The following TRHDE variants were observed in gnomAD, a reference collection of about 807,000 sequenced individuals.
The protein encoded by TRHDE is thyrotropin releasing hormone degrading enzyme.
Under a neutral mutation model 125.7 loss-of-function variants are expected in TRHDE, and 72 were observed. The ratio of observed to expected loss-of-function variants is 0.57; its 90% CI spans 0.47 to 0.70. TRHDE has a LOEUF of 0.70. TRHDE is among the 30% of genes least tolerant of loss of function. The pLI is 0.00. For missense variants in TRHDE, 1,110 were observed against 1,327.1 expected (o/e 0.84, Z 2.54); for synonymous variants, 509 against 509.1 (o/e 1.00, Z 0.00).
intron 2 of TRHDE, among the ~76,000 whole-genome samples, chr12:72,133,444 AAG>A (rs2139309353): frequency 6.6e-6 from 1 of 152,210 alleles, no homozygotes; most frequent in South Asian, 2.1e-4. Flanking sequence ...GCAGGTTTGG[AAG>A]AGAGGGAGGA....
intron 3 of TRHDE, among the ~76,000 whole-genome samples, chr12:72,462,337 A>C (rs1876162620): frequency 6.6e-6 from 1 of 152,204 alleles, no homozygotes; most frequent in African/African-American, 2.4e-5. Context: ...AAGGGAATGC[A>C]TCTGAGTGAT....
At chr12:72,264,706 CA>C (rs893153214) in intron 2 of TRHDE, 1 of 151,654 alleles carries the variant, frequency 6.6e-6, no homozygotes, top group Non-Finnish European at 1.5e-5. Context: ...AGTTAAAAAC[CA>C]AAAAACCCTC....
chr12:72,091,768 A>C (rs1369435969), intron 1 of TRHDE, among the ~76,000 whole-genome samples: 1 of 152,226 alleles, frequency 6.6e-6, no homozygotes, highest in Non-Finnish European at 1.5e-5. Context: ...GTCACGACCC[A>C]GGCACAAGTG....
intron 2 of TRHDE, among the ~76,000 whole-genome samples, chr12:72,146,084 T>C (rs1592457649): frequency 6.6e-6 from 1 of 152,226 alleles, no homozygotes; most frequent in South Asian, 2.1e-4. Flanking sequence ...TTAAAAGATC[T>C]AAAATAAGGA....
chr12:72,528,339 T>C (rs536289335), intron 6 of TRHDE, among the ~76,000 whole-genome samples: 1 of 152,298 alleles, frequency 6.6e-6, no homozygotes, highest in Admixed American at 6.5e-5. Flanking sequence ...TGTGATAGTT[T>C]AACTCTGACA....
intron 6 of TRHDE, among the ~76,000 whole-genome samples, chr12:72,508,841 A>G (rs543062965): frequency 2.1e-4 from 32 of 152,152 alleles, no homozygotes; most frequent in South Asian, 6.2e-4. Flanking sequence ...CATGATAGTG[A>G]ATGAGTTCTC....
At chr12:72,401,916 G>A (rs1873059270) in intron 3 of TRHDE, among the ~76,000 whole-genome samples, 1 of 152,048 alleles carries the variant, frequency 6.6e-6, no homozygotes, top group Non-Finnish European at 1.5e-5. Flanking sequence ...TTTGGTAGTG[G>A]GTTTGAAGCT....
At chr12:72,477,001 A>T (rs762548044) in intron 5 of TRHDE, among the ~76,000 whole-genome samples, 1 of 152,188 alleles carries the variant, frequency 6.6e-6, no homozygotes, top group Non-Finnish European at 1.5e-5. Context: ...TTTTACAGGA[A>T]GTATGATACA....
chr12:72,459,171 A>G (rs377245692), intron 3 of TRHDE, among the ~76,000 whole-genome samples: 6 of 152,130 alleles, frequency 3.9e-5, no homozygotes, highest in Non-Finnish European at 7.4e-5. Context: ...CATTTCCTCA[A>G]TCTGACACTG....
rs140214725 is a variant in TRHDE at position 72,571,536 on chromosome 12, A to T, written c.2131+2880A>T. 2.0e-3 allele frequency among the ~76,000 whole-genome samples: 312 copies of T among 152,298 alleles called. 1 individual carries two copies. The highest frequency in any genetic ancestry group is 3.9e-3 in the Admixed American group (59 of 15,284). The stretch of plus-strand genomic sequence containing the variant: ...AAAGCATAGATCATTTTAGCCTAAA[A>T]ATAATTTTTAAACCAATTTTTCAGT... On this transcript the variant is annotated intron_variant, in intron 10 of 18. Transcript: ENST00000261180.
chr12:72,340,823 G>C (rs1470287268), intron 2 of TRHDE, among the ~76,000 whole-genome samples: 1 of 152,094 alleles, frequency 6.6e-6, no homozygotes, highest in East Asian at 1.9e-4. Context: ...TGGTAAAATT[G>C]TAAGCTTTAT....
chr12:72,253,021 C>T (rs1373206592), intron 2 of TRHDE, among the ~76,000 whole-genome samples: 1 of 152,064 alleles, frequency 6.6e-6, no homozygotes, highest in Non-Finnish European at 1.5e-5. Flanking sequence ...TTTTAAGTGA[C>T]ATGATGTATG....
intron 3 of TRHDE, among the ~76,000 whole-genome samples, chr12:72,418,063 A>C (rs1565733821): frequency 1.3e-5 from 2 of 152,040 alleles, no homozygotes; most frequent in African/African-American, 4.8e-5. Context: ...ATCTTGCCAT[A>C]ATTCCTACTT....
intron 2 of TRHDE, among the ~76,000 whole-genome samples, chr12:72,146,778 G>A (rs1050132369): frequency 6.6e-6 from 1 of 152,242 alleles, no homozygotes; most frequent in Non-Finnish European, 1.5e-5. Flanking sequence ...TTATTGCAAG[G>A]GCAGAGGGCC....
chr12:72,183,212 A>ATCGGGT (rs1877130862), intron 2 of TRHDE, among the ~76,000 whole-genome samples: 1 of 152,230 alleles, frequency 6.6e-6, no homozygotes, highest in African/African-American at 2.4e-5. Context: ...TTATGTGCTC[A>ATCGGGT]ACACTGTGTT....
intron 3 of TRHDE, among the ~76,000 whole-genome samples, chr12:72,456,167 ACACACACACAGAGACT>A (rs1875840528): frequency 6.7e-6 from 1 of 148,936 alleles, no homozygotes; most frequent in East Asian, 2.0e-4. Context: ...ACACACACAC[ACACACACACAGAGACT>A]CAGAGAGTTG....
chr12:72,111,912 A>T (rs1449285890), intron 2 of TRHDE, among the ~76,000 whole-genome samples: 1 of 152,176 alleles, frequency 6.6e-6, no homozygotes, highest in East Asian at 1.9e-4. Flanking sequence ...AATTTTCAGC[A>T]ATCCCACTGG....
intron 12 of TRHDE, among the ~76,000 whole-genome samples, chr12:72,615,597 C>T (rs1032965115): frequency 6.6e-6 from 1 of 152,030 alleles, no homozygotes; most frequent in African/African-American, 2.4e-5. Flanking sequence ...ATTGTGATGT[C>T]GTAGGCTTAA....
At chr12:72,350,961 C>A (rs1307207204) in intron 2 of TRHDE, among the ~76,000 whole-genome samples, 1 of 151,894 alleles carries the variant, frequency 6.6e-6, no homozygotes, top group Non-Finnish European at 1.5e-5. Context: ...GTAGAACTAG[C>A]CAATTGCATA....
Sources: allele counts gnomAD v4.1 joint callset (sites outside exome capture counted in the v4.1 genomes callset), GRCh38; gene constraint gnomAD v4.1.1; transcripts MANE v1.5; gene names NCBI Gene and HGNC (gene_info 2026-07-23, HGNC 2026-07-21).